TMEM233: variants seen among roughly 807,000 people sequenced by gnomAD.
TMEM233 encodes the protein transmembrane protein 233.
Under a neutral mutation model 11.2 loss-of-function variants are expected in TMEM233, and 6 were observed. That is an observed-to-expected ratio of 0.54 (90% confidence interval 0.29 to 1.06). TMEM233 has a LOEUF of 1.06. Among genes scored for constraint, TMEM233 ranks in the 50% least tolerant of loss-of-function variants. The probability of loss-of-function intolerance (pLI) is 0.08; values close to 1 mark genes in which losing one functional copy is unlikely to be tolerated. For synonymous variants in TMEM233, 59 were observed against 55.8 expected (o/e 1.06, Z -0.26); for missense variants, 127 against 144.7 (o/e 0.88, Z 0.63).
rs56347532 is a variant in TMEM233 at position 119,640,856 on chromosome 12, GA to G, written c.*168del. 0.02 allele frequency: 7,935 copies of G among 392,056 alleles called. 26 individuals carry two copies. The highest frequency in any genetic ancestry group is 0.064 in the East Asian group (1,345 of 21,044). The allele number at this position is 392,056 out of a possible 1,614,324, so 24.3% of individuals were successfully genotyped here. ...AGGCAGGTCCCTGGCAAATGAACAA[GA>G]AAAAAAAAAAAAAAAAGTCCAAAAT... On this transcript the variant is annotated 3_prime_UTR_variant, in exon 3 of 3. Transcript: ENST00000426426.
chr12:119,651,682 CTGG>C, the TMEM233 span, among the ~76,000 whole-genome samples: 3 of 150,996 alleles, frequency 2.0e-5, no homozygotes, highest in African/African-American at 7.3e-5. Flanking sequence ...AAAAAATTAG[CTGG>C]ATGTGGTGGC....
chr12:119,649,236 T>C, the TMEM233 span, among the ~76,000 whole-genome samples: 1 of 152,082 alleles, frequency 6.6e-6, no homozygotes, highest in South Asian at 2.1e-4. Flanking sequence ...TGGCGGAGGT[T>C]GCAGTGAGCC....
intron 2 of TMEM233, among the ~76,000 whole-genome samples, chr12:119,635,006 C>A (rs1954945538): frequency 6.6e-6 from 1 of 152,198 alleles, no homozygotes; most frequent in East Asian, 1.9e-4. Flanking sequence ...TGTTCTTGTC[C>A]AGACAGAATC....
At chr12:119,630,184 AGT>A (rs916968731) in intron 2 of TMEM233, among the ~76,000 whole-genome samples, 10 of 152,340 alleles carry the variant, frequency 6.6e-5, no homozygotes, top group Non-Finnish European at 1.2e-4. Context: ...GCACAAAAGT[AGT>A]GTGTTAGTCC....
intron 1 of TMEM233, among the ~76,000 whole-genome samples, chr12:119,619,271 C>G (rs1391283947): frequency 1.3e-5 from 2 of 152,140 alleles, no homozygotes; most frequent in Non-Finnish European, 2.9e-5. Context: ...ATTGCCCAGT[C>G]TCAAGTATGT....
chr12:119,612,841 G>T (rs1169458653), intron 1 of TMEM233, among the ~76,000 whole-genome samples: 1 of 151,834 alleles, frequency 6.6e-6, no homozygotes, highest in Non-Finnish European at 1.5e-5. Context: ...GATCACTAGA[G>T]TACAGGAGGT....
At position 119,605,214 on chromosome 12, in the gene TMEM233, C is replaced by G. The variant is rs1418530570; in HGVS notation, c.186+11180C>G. Reference sequence around the variant, plus strand: ...TATAACATTTATACATTTGTCTTTACTTTTTAAAGCATTTCATATTGACAC... The same window carrying G: ...TATAACATTTATACATTTGTCTTTAGTTTTTAAAGCATTTCATATTGACAC... On this transcript the variant is annotated intron_variant, in intron 1 of 2. Transcript: ENST00000426426. 2.6e-5 allele frequency among the ~76,000 whole-genome samples: 4 copies of G among 151,776 alleles called. No homozygotes were observed. In the East Asian group the frequency reaches 7.7e-4, roughly 29 times the overall value.
At position 119,629,724 on chromosome 12, in the gene TMEM233, T is replaced by A; in HGVS notation, c.187-12T>A. The stretch of plus-strand genomic sequence containing the variant: ...TATCTGTCATCACCAGCTCTTCCCT[T>A]CTGTCCCCCAGTCTCTGAACAGCTA... On this transcript the variant is annotated splice_polypyrimidine_tract_variant and intron_variant, in intron 1 of 2. Coordinates refer to ENST00000426426, the MANE Select transcript of TMEM233 (RefSeq NM_001136534.3). 2 of 1,547,904 alleles carry A rather than the reference T, an allele frequency of 1.3e-6. No homozygotes were observed. The highest frequency in any genetic ancestry group is 1.7e-6 in the Non-Finnish European group (2 of 1,145,466).
the TMEM233 span, among the ~76,000 whole-genome samples, chr12:119,653,010 A>T: frequency 6.6e-6 from 1 of 152,182 alleles, no homozygotes; most frequent in African/African-American, 2.4e-5. Context: ...TAATTTCACT[A>T]CCAGTTAAAA....
In TMEM233 at chr12:119,594,341, G is replaced by T. The variant is rs112008012; in HGVS notation, c.186+307G>T. The stretch of plus-strand genomic sequence containing the variant: ...TCCAACCCGGGGAAGTTCTTCCGTG[G>T]ACTTTGCTGACTCCTCTGACCTTCC... On this transcript the variant is annotated intron_variant, in intron 1 of 2. Transcript: ENST00000426426. The surrounding 1 kb of genome is among the most constrained non-coding windows in gnomAD (Gnocchi z 5.6). The T allele has an allele frequency of 1.0e-3, 356 of 350,200 alleles. No individual in the cohort carries two copies. Among genetic ancestry groups the T allele is most frequent in the African/African-American group, 6.9e-3 (328 of 47,618 alleles). The allele number at this position is 350,200 out of a possible 1,614,324, so 21.7% of individuals were successfully genotyped here. A position where few individuals can be genotyped will look rare whatever the true frequency, so the allele number is the denominator to read the frequency against.
rs1954839643 is a variant in TMEM233 at position 119,629,737 on chromosome 12, C to A, written c.188C>A (p.Ser63Tyr). Reference sequence around the variant, plus strand: ...CAGCTCTTCCCTTCTGTCCCCCAGTCTCTGAACAGCTACAACGATGGAGAC... The same window carrying A: ...CAGCTCTTCCCTTCTGTCCCCCAGTATCTGAACAGCTACAACGATGGAGAC... Reference protein sequence around the residue: ...NIVALVFSIMSLNSYNDGDYE... With the variant: ...NIVALVFSIMYLNSYNDGDYE... The change falls in exon 2 of 3, where the codon TCT becomes TAT. Residue 63 changes from serine to tyrosine, a missense_variant and splice_region_variant. Ser to Tyr is a moderately radical substitution (Grantham distance 144, BLOSUM62 -2). Coordinates refer to ENST00000426426, the MANE Select transcript of TMEM233 (RefSeq NM_001136534.3). The A allele has an allele frequency of 6.5e-7, 1 of 1,550,244 alleles. No homozygotes were observed. The highest frequency in any genetic ancestry group is 8.7e-7 in the Non-Finnish European group (1 of 1,146,346).
At chr12:119,636,766 G>A (rs920224819) in intron 2 of TMEM233, among the ~76,000 whole-genome samples, 26 of 152,180 alleles carry the variant, frequency 1.7e-4, no homozygotes, top group African/African-American at 3.6e-4. Context: ...TGACATTCCC[G>A]GATGACCCTG....
the TMEM233 span, among the ~76,000 whole-genome samples, chr12:119,648,996 T>C: frequency 1.3e-4 from 20 of 152,242 alleles, no homozygotes; most frequent in East Asian, 2.9e-3. Context: ...CAAAAAATAA[T>C]TTCAAGAAGA....
At chr12:119,605,634 G>T (rs982739815) in intron 1 of TMEM233, among the ~76,000 whole-genome samples, 14 of 151,814 alleles carry the variant, frequency 9.2e-5, no homozygotes, top group African/African-American at 3.4e-4. Flanking sequence ...TCACCATGTT[G>T]CCCAGGCTGG....
intron 1 of TMEM233, among the ~76,000 whole-genome samples, chr12:119,615,239 T>C (rs894296900): frequency 3.4e-5 from 5 of 147,686 alleles, no homozygotes; most frequent in African/African-American, 1.2e-4. Context: ...TTTGCCTTAA[T>C]AATATTCTGT....
At chr12:119,624,726 T>C (rs1013606879) in intron 1 of TMEM233, among the ~76,000 whole-genome samples, 10 of 152,112 alleles carry the variant, frequency 6.6e-5, no homozygotes, top group South Asian at 4.1e-4. Flanking sequence ...GGAGTTTCCA[T>C]TGGGGAAGAT....
chr12:119,647,818 C>G (rs199740449), downstream of TMEM233, among the ~76,000 whole-genome samples: 5 of 149,886 alleles, frequency 3.3e-5, no homozygotes, highest in South Asian at 6.5e-4. Flanking sequence ...TGTTCCCCTC[C>G]CTGTGTCCAT....
intron 2 of TMEM233, among the ~76,000 whole-genome samples, chr12:119,633,997 A>G (rs191584007): frequency 5.9e-5 from 9 of 152,370 alleles, no homozygotes; most frequent in Admixed American, 5.2e-4. Flanking sequence ...ATTCAGATGC[A>G]GGTGGCGGGC....
chr12:119,597,556 A>C (rs1954071876), intron 1 of TMEM233, among the ~76,000 whole-genome samples: 1 of 152,186 alleles, frequency 6.6e-6, no homozygotes, highest in Non-Finnish European at 1.5e-5. Context: ...TAAAATCACC[A>C]AATTAGAGTA....
Sources: gnomAD v4.1 joint callset for allele counts (sites outside exome capture counted in the v4.1 genomes callset) on GRCh38, gnomAD v4.1.1 for gene constraint, Gnocchi (gnomAD v3.1) non-coding constraint, MANE v1.5 for transcripts, NCBI Gene and HGNC (gene_info 2026-07-23, HGNC 2026-07-21) for gene names.